Variants in SNRNP200 observed in about 807,000 individuals in gnomAD.
The protein encoded by SNRNP200 is U5 small nuclear ribonucleoprotein 200 kDa helicase.
SNRNP200 carries 66 observed loss-of-function variants against 255.2 expected under a neutral mutation model. The ratio of observed to expected loss-of-function variants is 0.26; its 90% CI spans 0.21 to 0.32. The LOEUF is 0.32. SNRNP200 is among the 10% of genes least tolerant of loss of function. The pLI is 1.00. For synonymous variants in SNRNP200, 939 were observed against 1,027.8 expected (o/e 0.91, Z 1.65); for missense variants, 1,585 against 2,749.8 (o/e 0.58, Z 9.47).
chr2:96,290,881 T>C lies in SNRNP200; in HGVS notation c.2422-66A>G. 6.2e-7 allele frequency: 1 copy of C among 1,603,984 alleles called. No homozygotes were observed. Among genetic ancestry groups the C allele is most frequent in the South Asian group, 1.1e-5 (1 of 90,254 alleles). Reference sequence around the variant, plus strand: ...TCACCAGGGGTTAATATCCCTGGCTTCTCTAGGCAGTTGGCCTCAGAGCTT... The same window carrying C: ...TCACCAGGGGTTAATATCCCTGGCTCCTCTAGGCAGTTGGCCTCAGAGCTT... On this transcript the variant is annotated intron_variant, in intron 18 of 44. Transcript: ENST00000323853. This position sits in a 1 kb window ranked among gnomAD's most constrained non-coding sequence, Gnocchi z 4.5.
chr2:96,294,792 T>C (rs930970752), intron 14 of SNRNP200, among the ~76,000 whole-genome samples: 1 of 152,252 alleles, frequency 6.6e-6, no homozygotes, highest in Admixed American at 6.5e-5. Flanking sequence ...TAAATGATGT[T>C]GGATATGATG....
chr2:96,279,413 G>T, intron 36 of SNRNP200, 38 bp downstream of exon 36: 2 of 1,284,474 alleles, frequency 1.6e-6, no homozygotes, highest in Non-Finnish European at 2.3e-6. Flanking sequence ...CCATTCTGAG[G>T]CTACGGATCC....
In SNRNP200 at chr2:96,297,085, G is replaced by T. The variant is rs2063921820; in HGVS notation, c.1378-15C>A. ...GGAAGCAGTTGCTAGAAGAAAAGAA[G>T]TGCCATCAATATCATGTTGGCAGCA... On this transcript the variant is annotated splice_polypyrimidine_tract_variant and intron_variant, in intron 11 of 44. Coordinates refer to ENST00000323853, the MANE Select transcript of SNRNP200 (RefSeq NM_014014.5). 6.2e-7 allele frequency: 1 copy of T among 1,614,166 alleles called. No individual in the cohort carries two copies. Among genetic ancestry groups the T allele is most frequent in the Non-Finnish European group, 8.5e-7 (1 of 1,180,034 alleles).
chr2:96,295,682 G>T (rs774302482), intron 13 of SNRNP200, 24 bp from the exon 14 acceptor site: 2 of 1,611,820 alleles, frequency 1.2e-6, no homozygotes, highest in South Asian at 2.2e-5. Context: ...ACTACATCAG[G>T]CAGGAATGCT....
At chr2:96,296,793 G>A in intron 12 of SNRNP200, 102 bp from the exon 13 acceptor site, 2 of 1,552,118 alleles carry the variant, frequency 1.3e-6, no homozygotes, top group Non-Finnish European at 1.8e-6. Flanking sequence ...AGCTTGTCCT[G>A]GGCACTTTAT....
intron 12 of SNRNP200, 101 bp downstream of exon 12, chr2:96,296,832 G>A: frequency 6.4e-7 from 1 of 1,564,440 alleles, no homozygotes; most frequent in Middle Eastern, 1.7e-4. Flanking sequence ...TTCCATCAAA[G>A]GACAAAGAAT....
Position 96,297,351 on chromosome 2 carries a change from C to CA in SNRNP200, c.1377+11dup. ...GAACTGAGCAGAGAACTGAAGAAAGCAATTCACTTACTTCTTCTGAGCCAA... is the reference window on the plus strand; with the variant it reads ...GAACTGAGCAGAGAACTGAAGAAAGCAAATTCACTTACTTCTTCTGAGCCAA... On this transcript the variant is annotated intron_variant, in intron 11 of 44. Transcript: ENST00000323853. 8 of 1,612,830 alleles carry CA rather than the reference C, an allele frequency of 5.0e-6. No homozygotes were observed. The highest frequency in any genetic ancestry group is 6.8e-6 in the Non-Finnish European group (8 of 1,179,872).
intron 16 of SNRNP200, 140 bp downstream of exon 16, chr2:96,292,832 T>C: frequency 1.1e-6 from 1 of 950,746 alleles, no homozygotes; most frequent in Non-Finnish European, 1.6e-6. Flanking sequence ...GGTTCTGTAG[T>C]AATATCCCAT....
At position 96,287,570 on chromosome 2, in the gene SNRNP200, G is replaced by A. The variant is rs781773975; in HGVS notation, c.3366-13C>T. 2.5e-6 allele frequency: 4 copies of A among 1,598,390 alleles called. No individual in the cohort carries two copies. In the Admixed American group the frequency reaches 6.7e-5, roughly 27 times the overall value. On this transcript the variant is annotated splice_polypyrimidine_tract_variant and intron_variant, in intron 25 of 44. Coordinates refer to ENST00000323853, the MANE Select transcript of SNRNP200 (RefSeq NM_014014.5). This position sits in a 1 kb window ranked among gnomAD's most constrained non-coding sequence, Gnocchi z 5.7. The stretch of plus-strand genomic sequence containing the variant: ...CATGGACTGCCACCTATCCAGGAAG[G>A]AGGCAAAGCTGTTGGTCCCTTCTGC...
intron 36 of SNRNP200, 173 bp from the exon 37 acceptor site, chr2:96,279,171 G>A: frequency 1.5e-6 from 1 of 678,936 alleles, no homozygotes. Flanking sequence ...AGTGGGAACA[G>A]AGGTACAGCA....
chr2:96,279,054 G>T, intron 36 of SNRNP200, 56 bp from the exon 37 acceptor site: 1 of 1,425,312 alleles, frequency 7.0e-7, no homozygotes. Context: ...CACGGTCACA[G>T]AGGGCCAAGG....
Position 96,298,268 on chromosome 2 carries a change from C to G in SNRNP200, c.1119+16G>C. 6.2e-7 allele frequency: 1 copy of G among 1,614,206 alleles called. No individual in the cohort carries two copies. Among genetic ancestry groups the G allele is most frequent in the Non-Finnish European group, 8.5e-7 (1 of 1,180,038 alleles). ...TTAGCTCAGAAATCAGACAGATAAACCAACCCAGTCCTTACTCGGATCAGA... is the reference window on the plus strand; with the variant it reads ...TTAGCTCAGAAATCAGACAGATAAAGCAACCCAGTCCTTACTCGGATCAGA... On this transcript the variant is annotated intron_variant, in intron 9 of 44. Coordinates refer to ENST00000323853, the MANE Select transcript of SNRNP200 (RefSeq NM_014014.5).
At chr2:96,276,529 C>T (rs902060525) in intron 43 of SNRNP200, 8 of 330,310 alleles carry the variant, frequency 2.4e-5, no homozygotes, top group Admixed American at 2.0e-4. Flanking sequence ...TCACACCATT[C>T]TCCTGACTCA....
chr2:96,276,919 C>A lies in SNRNP200; in HGVS notation c.6159G>T (p.Ala2053=), dbSNP rs760684878. ...CAGGACGCACCTGCGGGAAGAGAGGCGCAATGACAGGGCCTGTGACTTCCT... is the reference window on the plus strand; with the variant it reads ...CAGGACGCACCTGCGGGAAGAGAGGAGCAATGACAGGGCCTGTGACTTCCT... The part of the protein sequence containing the change: ...REEEVTGPVI[A]PLFPQKREEG... The change falls in exon 43 of 45, where the codon GCG becomes GCT. Residue 2053 remains alanine, a synonymous_variant. Transcript: ENST00000323853. The A allele has an allele frequency of 6.2e-7, 1 of 1,614,104 alleles. No homozygotes were observed. Among genetic ancestry groups the A allele is most frequent in the Non-Finnish European group, 8.5e-7 (1 of 1,180,026 alleles).
chr2:96,286,405 G>T lies in SNRNP200; in HGVS notation c.3909C>A (p.Asp1303Glu). ...EKYPPPTELL[D>E]LQPLPVSALR... The stretch of plus-strand genomic sequence containing the variant: ...GAGCAGACACGGGCAAGGGCTGCAG[G>T]TCCAAAAGTTCGGTTGGAGGGGGGT... The change falls in exon 29 of 45, where the codon GAC becomes GAA. Residue 1303 changes from aspartate to glutamate, a missense_variant. Around this residue, in one of 9 missense-constraint regions of SNRNP200, gnomAD observed 719 missense variants for 1,091.1 expected, o/e 0.66. Coordinates refer to ENST00000323853, the MANE Select transcript of SNRNP200 (RefSeq NM_014014.5). This position sits in a 1 kb window ranked among gnomAD's most constrained non-coding sequence, Gnocchi z 4.8. The T allele has an allele frequency of 3.1e-6, 5 of 1,614,190 alleles. No homozygotes were observed. Among genetic ancestry groups the T allele is most frequent in the Non-Finnish European group, 4.2e-6 (5 of 1,180,018 alleles).
At position 96,303,246 on chromosome 2, in the gene SNRNP200, C is replaced by T. The variant is rs1231217194; in HGVS notation, c.294G>A (p.Val98=). ...TAGTTTTGGGCTTGTAGATGATGCCCACCATCTCATCAATGCCCTCCGACA... is the reference window on the plus strand; with the variant it reads ...TAGTTTTGGGCTTGTAGATGATGCCTACCATCTCATCAATGCCCTCCGACA... ...TLLSEGIDEM[V]GIIYKPKTKE... is the part of the protein sequence containing the mutation. Residue 98 remains valine, a synonymous_variant, in exon 3 of 45, where the codon GTG becomes GTA. Coordinates refer to ENST00000323853, the MANE Select transcript of SNRNP200 (RefSeq NM_014014.5). 2 of 1,614,166 alleles carry T rather than the reference C, an allele frequency of 1.2e-6. No homozygotes were observed. The highest frequency in any genetic ancestry group is 1.1e-5 in the South Asian group (1 of 91,086).
intron 14 of SNRNP200, among the ~76,000 whole-genome samples, chr2:96,295,205 CT>C (rs2063909692): frequency 6.6e-6 from 1 of 152,122 alleles, no homozygotes; most frequent in Non-Finnish European, 1.5e-5. Context: ...TAGACTCCAT[CT>C]CAAACAAACA....
In SNRNP200 at chr2:96,289,843, T is replaced by A; in HGVS notation, c.2896A>T (p.Lys966Ter). ...TTGTCGTACTTGACCAGATTGTTCT[T>A]GTCCAGCATCAGGGCAGCTGTATGA... The part of the protein sequence containing the change: ...LVHTAALMLD[K>*]NNLVKYDKKT... Residue 966 changes from lysine (K) to a stop codon, truncating the protein, a stop_gained, in exon 21 of 45, where the codon AAG becomes TAG. Coordinates refer to ENST00000323853, the MANE Select transcript of SNRNP200 (RefSeq NM_014014.5). LOFTEE classifies it high-confidence loss of function. 1 of 1,614,202 alleles carries A rather than the reference T, an allele frequency of 6.2e-7. No individual in the cohort carries two copies. The highest frequency in any genetic ancestry group is 8.5e-7 in the Non-Finnish European group (1 of 1,180,030).
At position 96,304,690 on chromosome 2, in the gene SNRNP200, C is replaced by T. The variant is rs747801470; in HGVS notation, c.209+15G>A. On this transcript the variant is annotated intron_variant, in intron 2 of 44. Transcript: ENST00000323853. ...TTGGATCTGAAGGAAAAAATAGTAT[C>T]CCCTTGGCACTCACTTGGCTCTTCT... 21 of 1,613,868 alleles carry T rather than the reference C, an allele frequency of 1.3e-5. No homozygotes were observed. In the Admixed American group the frequency reaches 1.3e-4, roughly 10 times the overall value.
Sources: gnomAD v4.1 joint callset for allele counts (sites outside exome capture counted in the v4.1 genomes callset) on GRCh38, gnomAD v4.1.1 for gene constraint, gnomAD v4.1.1 regional missense constraint, Gnocchi (gnomAD v3.1) non-coding constraint, MANE v1.5 for transcripts, NCBI Gene and HGNC (gene_info 2026-07-23, HGNC 2026-07-21) for gene names.